The following CSGALNACT1 variants were observed in gnomAD, a reference collection of about 807,000 sequenced individuals.
The protein encoded by CSGALNACT1 is beta4GalNAcT-1.
In CSGALNACT1, 52 loss-of-function variants were observed where a neutral mutation model predicts 51.0. The ratio of observed to expected loss-of-function variants is 1.02; its 90% confidence interval spans 0.82 to 1.29. The LOEUF (loss-of-function observed/expected upper bound fraction) is 1.29, where lower values mean the gene tolerates loss of function less well. Among genes scored for constraint, CSGALNACT1 ranks in the 50% most tolerant of loss-of-function variants. The pLI, the probability that CSGALNACT1 is intolerant of heterozygous loss-of-function variation, is 0.00. For missense variants in CSGALNACT1, 935 were observed against 679.2 expected (o/e 1.38, Z -4.19); for synonymous variants, 341 against 254.4 (o/e 1.34, Z -3.24).
chr8:19,451,678 C>G (rs1208593917), intron 5 of CSGALNACT1, among the ~76,000 whole-genome samples: 1 of 152,222 alleles, frequency 6.6e-6, no homozygotes, highest in Non-Finnish European at 1.5e-5. Flanking sequence ...ACCAGGGCTG[C>G]TCTTTCTTGG....
intron 1 of CSGALNACT1, among the ~76,000 whole-genome samples, chr8:19,645,673 T>C (rs914869272): frequency 6.6e-6 from 1 of 152,234 alleles, no homozygotes; most frequent in African/African-American, 2.4e-5. Context: ...ACTGGACTCC[T>C]GGGTCACTGA....
upstream of CSGALNACT1, among the ~76,000 whole-genome samples, chr8:19,607,101 G>T (rs1263849395): frequency 1.3e-5 from 2 of 151,742 alleles, no homozygotes; most frequent in Non-Finnish European, 2.9e-5. Context: ...TGTGCAGCGA[G>T]CTGAGAACGC....
chr8:19,404,948 G>C (rs1223538369), exon 10 of CSGALNACT1: 1 of 453,270 alleles, frequency 2.2e-6, no homozygotes, highest in East Asian at 7.0e-5. Context: ...CTCAATGCCT[G>C]ACATTCAGTG....
intron 1 of CSGALNACT1, among the ~76,000 whole-genome samples, chr8:19,646,789 C>T (rs2057319009): frequency 6.6e-6 from 1 of 152,158 alleles, no homozygotes; most frequent in African/African-American, 2.4e-5. Flanking sequence ...ATAGTAAGAG[C>T]TCCATAAATG....
intron 3 of CSGALNACT1, among the ~76,000 whole-genome samples, chr8:19,572,317 C>A (rs904991412): frequency 3.3e-5 from 5 of 152,162 alleles, no homozygotes; most frequent in Non-Finnish European, 7.3e-5. Flanking sequence ...TAATGTTCAC[C>A]TTTCCTTGTC....
rs1491514419 is a variant in CSGALNACT1 at position 19,438,196 on chromosome 8, T to TG, written c.953+1633_953+1634insC. ...TAAAATCTCTTGGCCGGGGCGGGGG[T>TG]CGGGGGGCAGCCAGCTGGCTGCACT... is the stretch of plus-strand genomic sequence containing the variant. On this transcript the variant is annotated intron_variant, in intron 6 of 9. Transcript: ENST00000454498. Among the ~76,000 whole-genome samples the TG allele has an allele frequency of 3.0e-3, 151 of 50,158 alleles. 2 individuals are homozygous for TG. Among genetic ancestry groups the TG allele is most frequent in the East Asian group, 7.0e-3 (5 of 712 alleles). 32.9% of individuals were successfully genotyped at this position (50,158 alleles called of 152,430 possible). A position where few individuals can be genotyped will look rare whatever the true frequency, so the allele number is the denominator to read the frequency against.
intron 3 of CSGALNACT1, among the ~76,000 whole-genome samples, chr8:19,581,555 C>G (rs1256305377): frequency 6.6e-6 from 1 of 152,026 alleles, no homozygotes. Context: ...TGCAGTGAGC[C>G]GAGATCGTGC....
At chr8:19,555,429 TAA>T (rs936527576) in intron 3 of CSGALNACT1, among the ~76,000 whole-genome samples, 8 of 152,160 alleles carry the variant, frequency 5.3e-5, no homozygotes, top group African/African-American at 1.7e-4. Flanking sequence ...TCAGATGCAG[TAA>T]GAGAGGTCCA....
At chr8:19,630,244 ATGTGTG>A (rs1480740436) in intron 1 of CSGALNACT1, among the ~76,000 whole-genome samples, 2 of 73,788 alleles carry the variant, frequency 2.7e-5, no homozygotes, top group African/African-American at 1.0e-4. Flanking sequence ...GTGTGTGTGT[ATGTGTG>A]TGTGTTCTAG....
chr8:19,734,493 G>A (rs7816807), intron 1 of CSGALNACT1, among the ~76,000 whole-genome samples: 34,674 of 152,118 alleles, frequency 0.23, 4,350 homozygotes, highest in African/African-American at 0.33. Flanking sequence ...TATTGCCTGC[G>A]CACATTGCTG....
chr8:19,565,073 G>C (rs185146502), intron 3 of CSGALNACT1, among the ~76,000 whole-genome samples: 7 of 152,182 alleles, frequency 4.6e-5, no homozygotes, highest in Admixed American at 4.6e-4. Context: ...AAATTTGGCC[G>C]AAGTTTGAAG....
intron 1 of CSGALNACT1, among the ~76,000 whole-genome samples, chr8:19,689,570 G>C (rs988646730): frequency 1.5e-4 from 23 of 152,122 alleles, no homozygotes; most frequent in African/African-American, 5.6e-4. Context: ...AAAGATTCTG[G>C]CTTCTGCTTA....
chr8:19,503,173 T>C (rs1219566771), intron 4 of CSGALNACT1, among the ~76,000 whole-genome samples: 2 of 152,240 alleles, frequency 1.3e-5, no homozygotes, highest in Non-Finnish European at 2.9e-5. Flanking sequence ...ATTTAAAGTA[T>C]TTGCCTTTAT....
At chr8:19,727,261 T>C (rs2063451008) in intron 1 of CSGALNACT1, among the ~76,000 whole-genome samples, 1 of 152,226 alleles carries the variant, frequency 6.6e-6, no homozygotes, top group South Asian at 2.1e-4. Context: ...GACTTCTCCC[T>C]TTAACTATTT....
chr8:19,435,723 AC>A (rs1332673334), intron 6 of CSGALNACT1, among the ~76,000 whole-genome samples: 2 of 152,210 alleles, frequency 1.3e-5, no homozygotes, highest in Non-Finnish European at 2.9e-5. Context: ...ATAATGAAGA[AC>A]CAGTGAGCTC....
intron 3 of CSGALNACT1, among the ~76,000 whole-genome samples, chr8:19,590,793 G>A (rs894075245): frequency 1.3e-5 from 2 of 151,768 alleles, no homozygotes; most frequent in African/African-American, 4.8e-5. Flanking sequence ...GGGATTACAG[G>A]TGTCCACCAC....
At chr8:19,632,042 A>C (rs1324332274) in intron 1 of CSGALNACT1, among the ~76,000 whole-genome samples, 1 of 152,254 alleles carries the variant, frequency 6.6e-6, no homozygotes, top group Non-Finnish European at 1.5e-5. Flanking sequence ...TTTTCTTACT[A>C]TATTTCAAAG....
rs561770372 is a variant in CSGALNACT1, at chr8:19,455,493, G to T, written c.851+2933C>A. ...AATTGCATTTAATTATTTAATTGGA[G>T]TTTACTTTGCTTTTTTGGTGTGAAA... On this transcript the variant is annotated intron_variant, in intron 5 of 9. Coordinates refer to ENST00000454498, the Ensembl canonical transcript of CSGALNACT1. Among the ~76,000 whole-genome samples the T allele has an allele frequency of 2.6e-5, 4 of 152,258 alleles. No individual in the cohort carries two copies. In the South Asian group the frequency reaches 8.3e-4, roughly 32 times the overall value.
At chr8:19,591,089 G>A (rs1214797743) in intron 3 of CSGALNACT1, 1 of 152,186 alleles carries the variant, frequency 6.6e-6, no homozygotes, top group Non-Finnish European at 1.5e-5. Context: ...CTCCAAAATA[G>A]GGCAGAGAAT....
Sources: allele counts gnomAD v4.1 joint callset (sites outside exome capture counted in the v4.1 genomes callset), GRCh38; gene constraint gnomAD v4.1.1; transcripts MANE v1.5; gene names NCBI Gene and HGNC (gene_info 2026-07-23, HGNC 2026-07-21).